The following PTK2 variants were observed in gnomAD, a reference collection of about 807,000 sequenced individuals.
PTK2 encodes protein tyrosine kinase 2.
A neutral mutation model predicts 150.1 loss-of-function variants in PTK2; 45 were observed. That is an observed-to-expected ratio of 0.30 (90% CI 0.24 to 0.38). The LOEUF is 0.38. Ranked by LOEUF, PTK2 falls within the 10% of genes least tolerant of loss-of-function variation. The pLI, the probability that PTK2 is intolerant of heterozygous loss-of-function variation, is 1.00. For synonymous variants in PTK2, 432 were observed against 449.2 expected (o/e 0.96, Z 0.48); for missense variants, 919 against 1,307.3 (o/e 0.70, Z 4.58).
At chr8:140,892,258 G>C (rs2100154501) in intron 2 of PTK2, among the ~76,000 whole-genome samples, 1 of 152,128 alleles carries the variant, frequency 6.6e-6, no homozygotes, top group East Asian at 1.9e-4. Context: ...GATCCAGCCA[G>C]GCATAGATGC....
At chr8:140,709,200 C>A (rs529208974) in intron 23 of PTK2, among the ~76,000 whole-genome samples, 9 of 152,254 alleles carry the variant, frequency 5.9e-5, no homozygotes, top group African/African-American at 2.2e-4. Context: ...GACAAGCATA[C>A]TTCTGACTCA....
intron 5 of PTK2, among the ~76,000 whole-genome samples, chr8:140,847,707 T>A (rs1431890654): frequency 6.6e-6 from 1 of 152,226 alleles, no homozygotes; most frequent in Non-Finnish European, 1.5e-5. Flanking sequence ...CATAATACCC[T>A]GCATTTTGCC....
At chr8:140,982,366 A>G (rs1322384523) in intron 1 of PTK2, among the ~76,000 whole-genome samples, 4 of 152,248 alleles carry the variant, frequency 2.6e-5, no homozygotes, top group Admixed American at 6.5e-5. Context: ...TGGGAGGCTG[A>G]GGCGGGCAGA....
At chr8:140,748,719 T>C (rs547811510) in intron 17 of PTK2, among the ~76,000 whole-genome samples, 120 of 152,282 alleles carry the variant, frequency 7.9e-4, no homozygotes, top group African/African-American at 2.7e-3. Flanking sequence ...CATATCTGTG[T>C]GTGAACATGT....
chr8:140,875,153 G>C (rs775519562), intron 4 of PTK2, among the ~76,000 whole-genome samples: 1 of 152,162 alleles, frequency 6.6e-6, no homozygotes, highest in Non-Finnish European at 1.5e-5. Context: ...CCTGGAATGA[G>C]GAGGTCCAAG....
chr8:140,809,343 G>A (rs1183866593), intron 10 of PTK2, among the ~76,000 whole-genome samples: 1 of 152,110 alleles, frequency 6.6e-6, no homozygotes, highest in East Asian at 1.9e-4. Flanking sequence ...CTGAAAAAGA[G>A]CCAAATCAAA....
In PTK2 at chr8:140,818,267, G is replaced by A. The variant is rs773029776; in HGVS notation, c.867+10C>T. On this transcript the variant is annotated intron_variant, in intron 10 of 31. Coordinates refer to ENST00000522684, the Ensembl canonical transcript of PTK2. ...AACGCCAAGTTCCCGAAAGGTCAGAGCAGACTTACATTGCAGCCCTTGTCC... is the reference window on the plus strand; with the variant it reads ...AACGCCAAGTTCCCGAAAGGTCAGAACAGACTTACATTGCAGCCCTTGTCC... 121 of 1,608,256 alleles carry A rather than the reference G, an allele frequency of 7.5e-5. No individual in the cohort carries two copies. Among genetic ancestry groups the A allele is most frequent in the Non-Finnish European group, 1.0e-4 (118 of 1,174,772 alleles).
chr8:140,690,807 C>T (rs1039214885), intron 26 of PTK2, among the ~76,000 whole-genome samples: 4 of 152,294 alleles, frequency 2.6e-5, no homozygotes, highest in South Asian at 2.1e-4. Flanking sequence ...GGCTGCACAA[C>T]GTTCCACTGC....
chr8:140,780,406 G>C (rs139212160), intron 14 of PTK2, among the ~76,000 whole-genome samples: 6 of 152,210 alleles, frequency 3.9e-5, no homozygotes, highest in Admixed American at 1.3e-4. Flanking sequence ...TGTGGGGAGG[G>C]GGGGAATCAA....
At chr8:140,679,547 T>C (rs951803851) in intron 27 of PTK2, among the ~76,000 whole-genome samples, 5 of 152,178 alleles carry the variant, frequency 3.3e-5, no homozygotes, top group African/African-American at 9.7e-5. Flanking sequence ...GCCTCGTGCA[T>C]GGTTCTGTGC....
chr8:140,928,449 C>T (rs2100170518), intron 1 of PTK2, among the ~76,000 whole-genome samples: 1 of 152,160 alleles, frequency 6.6e-6, no homozygotes. Flanking sequence ...AATAATCCCA[C>T]TTCTGGGTAT....
chr8:140,850,105 A>T (rs1237080077), intron 5 of PTK2, among the ~76,000 whole-genome samples: 1 of 152,070 alleles, frequency 6.6e-6, no homozygotes, highest in Non-Finnish European at 1.5e-5. Flanking sequence ...TTCCAAAAAA[A>T]AAGACTTCTG....
chr8:140,884,854 C>T (rs1238475862), intron 3 of PTK2, among the ~76,000 whole-genome samples: 1 of 152,296 alleles, frequency 6.6e-6, no homozygotes, highest in Non-Finnish European at 1.5e-5. Flanking sequence ...CCCAACACAC[C>T]TATATTTTAA....
At chr8:140,738,879 A>C in intron 21 of PTK2, 139 bp downstream of exon 24, 1 of 467,010 alleles carries the variant, frequency 2.1e-6, no homozygotes, top group Non-Finnish European at 3.6e-6. Flanking sequence ...CTGTCAAATG[A>C]ATCAAAAGAA....
chr8:140,783,663 T>C (rs2100083152), intron 14 of PTK2, among the ~76,000 whole-genome samples: 1 of 152,210 alleles, frequency 6.6e-6, no homozygotes, highest in Admixed American at 6.5e-5. Context: ...GTTTTAGAAT[T>C]TGTAATGAAG....
Position 140,764,304 on chromosome 8 carries a change from AAC to A in PTK2, c.1178-16_1178-15del. On this transcript the variant is annotated splice_polypyrimidine_tract_variant and intron_variant, in intron 14 of 31. Transcript: ENST00000522684. ...AATCATCTGTTTCTGCAGGAAAAGA[AAC>A]AGATATGTTGAAAGAGGTTAAACAT... is the stretch of plus-strand genomic sequence containing the variant. 2 of 1,598,456 alleles carry A rather than the reference AAC, an allele frequency of 1.3e-6. No homozygotes were observed. Among genetic ancestry groups the A allele is most frequent in the Non-Finnish European group, 1.7e-6 (2 of 1,167,230 alleles).
At chr8:140,956,781 T>G (rs1234638566) in intron 1 of PTK2, among the ~76,000 whole-genome samples, 1 of 152,142 alleles carries the variant, frequency 6.6e-6, no homozygotes, top group Non-Finnish European at 1.5e-5. Flanking sequence ...AACCTTAAAT[T>G]AGGCTGGGCA....
Position 140,717,593 on chromosome 8 carries a change from G to A in PTK2, c.2142+5C>T. ...CCCCAAAGTTGGGGTGGGGACTGTA[G>A]CTACCTTGGGCGGTGCTTCATCAGA... On this transcript the variant is annotated splice_donor_5th_base_variant and intron_variant, in intron 23 of 31. Transcript: ENST00000522684. 1 of 1,607,834 alleles carries A rather than the reference G, an allele frequency of 6.2e-7. No homozygotes were observed.
At chr8:140,707,167 G>A (rs2100034279) in intron 23 of PTK2, among the ~76,000 whole-genome samples, 1 of 152,182 alleles carries the variant, frequency 6.6e-6, no homozygotes, top group South Asian at 2.1e-4. Context: ...AAGTACATAA[G>A]TGGTTGCCAG....
Sources: allele counts gnomAD v4.1 joint callset (sites outside exome capture counted in the v4.1 genomes callset), GRCh38; gene constraint gnomAD v4.1.1; transcripts MANE v1.5; gene names NCBI Gene and HGNC (gene_info 2026-07-23, HGNC 2026-07-21).